ARNT2: variants seen among roughly 807,000 people sequenced by gnomAD.
ARNT2 encodes aryl hydrocarbon receptor nuclear translocator 2, also known as ARNT protein 2.
Under a neutral mutation model 91.7 loss-of-function variants are expected in ARNT2, and 36 were observed. That is an observed-to-expected ratio of 0.39 (90% CI 0.30 to 0.52). The LOEUF (loss-of-function observed/expected upper bound fraction) is 0.52. Among genes scored for constraint, ARNT2 ranks in the 20% least tolerant of loss-of-function variants. ARNT2 has a pLI of 0.72. For missense variants in ARNT2, 775 were observed against 939.3 expected (o/e 0.83, Z 2.29); for synonymous variants, 365 against 347.1 (o/e 1.05, Z -0.57).
chr15:80,472,911 A>C (rs1896751330), intron 4 of ARNT2, among the ~76,000 whole-genome samples: 1 of 152,236 alleles, frequency 6.6e-6, no homozygotes, highest in Non-Finnish European at 1.5e-5. Flanking sequence ...CAAGGTTTGA[A>C]ATGAATCTCG....
intron 8 of ARNT2, among the ~76,000 whole-genome samples, chr15:80,518,699 A>C (rs1897482920): frequency 6.6e-6 from 1 of 152,030 alleles, no homozygotes; most frequent in Non-Finnish European, 1.5e-5. Flanking sequence ...ATTAAACCTC[A>C]TGGGCCTATG....
At chr15:80,418,804 T>C (rs1895821886) in intron 1 of ARNT2, among the ~76,000 whole-genome samples, 1 of 152,234 alleles carries the variant, frequency 6.6e-6, no homozygotes, top group African/African-American at 2.4e-5. Context: ...AATCAAGTTT[T>C]GTACAACACT....
chr15:80,486,718 A>C (rs1174606911), intron 5 of ARNT2, among the ~76,000 whole-genome samples: 1 of 152,168 alleles, frequency 6.6e-6, no homozygotes, highest in Non-Finnish European at 1.5e-5. Context: ...GAATGTGCTC[A>C]TTGTGCCCTG....
At chr15:80,446,322 G>T (rs1254913864) in intron 1 of ARNT2, among the ~76,000 whole-genome samples, 1 of 152,140 alleles carries the variant, frequency 6.6e-6, no homozygotes, top group African/African-American at 2.4e-5. Flanking sequence ...TACAATAACC[G>T]TGTGATGTAA....
At chr15:80,430,050 G>A (rs1167197645) in intron 1 of ARNT2, among the ~76,000 whole-genome samples, 1 of 152,170 alleles carries the variant, frequency 6.6e-6, no homozygotes, top group Non-Finnish European at 1.5e-5. Flanking sequence ...GGCCCCACCA[G>A]CGGTTACCAG....
At chr15:80,501,434 C>T (rs909470838) in intron 5 of ARNT2, among the ~76,000 whole-genome samples, 1 of 152,212 alleles carries the variant, frequency 6.6e-6, no homozygotes, top group African/African-American at 2.4e-5. Flanking sequence ...CAGTATTCTT[C>T]TCTGGAGAAG....
chr15:80,597,460 G>A lies in ARNT2; in HGVS notation c.*3762G>A. ...AACACCCCATACTAAGGAGCCATGAGCCACCTGGACATTCACCTTTTCTTT... is the reference window on the plus strand; with the variant it reads ...AACACCCCATACTAAGGAGCCATGAACCACCTGGACATTCACCTTTTCTTT... On this transcript the variant is annotated 3_prime_UTR_variant, in exon 19 of 19. Transcript: ENST00000303329. The A allele has an allele frequency of 3.0e-6, 1 of 335,134 alleles. No homozygotes were observed. Among genetic ancestry groups the A allele is most frequent in the Non-Finnish European group, 6.0e-6 (1 of 168,066 alleles). The allele number at this position is 335,134 out of a possible 1,614,324, so 20.8% of individuals were successfully genotyped here.
At chr15:80,490,938 G>C (rs568028060) in intron 5 of ARNT2, among the ~76,000 whole-genome samples, 1 of 152,330 alleles carries the variant, frequency 6.6e-6, no homozygotes, top group East Asian at 1.9e-4. Flanking sequence ...CTATGGGACA[G>C]GGGCAGGGGA....
chr15:80,429,500 C>G (rs528373130), intron 1 of ARNT2, among the ~76,000 whole-genome samples: 1 of 152,238 alleles, frequency 6.6e-6, no homozygotes, highest in Non-Finnish European at 1.5e-5. Context: ...ATCGCCTGCC[C>G]TGTGCATGTC....
At chr15:80,419,647 C>G (rs1419520798) in intron 1 of ARNT2, among the ~76,000 whole-genome samples, 1 of 152,180 alleles carries the variant, frequency 6.6e-6, no homozygotes, top group Non-Finnish European at 1.5e-5. Flanking sequence ...GCATGGTGCC[C>G]TGGGACACCC....
rs537342917 is a variant in ARNT2 at position 80,565,538 on chromosome 15, G to GT, written c.1316+2312dup. Among the ~76,000 whole-genome samples the GT allele has an allele frequency of 7.4e-3, 1,043 of 140,800 alleles. 8 individuals are homozygous for GT. The highest frequency in any genetic ancestry group is 0.02 in the African/African-American group (777 of 38,326). The allele number at this position is 140,800 out of a possible 152,430, so 92.4% of individuals were successfully genotyped here. A position where few individuals can be genotyped will look rare whatever the true frequency, so the allele number is the denominator to read the frequency against. ...AGCATCTGTTTTTGTTTTTGTTATT[G>GT]TTTTTTTTTTTTTACTTTTTACTAA... On this transcript the variant is annotated intron_variant, in intron 12 of 18. Transcript: ENST00000303329.
intron 8 of ARNT2, among the ~76,000 whole-genome samples, chr15:80,544,624 T>G (rs1897962365): frequency 2.0e-5 from 3 of 152,214 alleles, no homozygotes; most frequent in Non-Finnish European, 2.9e-5. Flanking sequence ...CCTTGCTTCC[T>G]GAATGCACTT....
intron 1 of ARNT2, among the ~76,000 whole-genome samples, chr15:80,450,422 A>G (rs1344608848): frequency 6.6e-6 from 1 of 152,102 alleles, no homozygotes; most frequent in Non-Finnish European, 1.5e-5. Context: ...CTGCTTGAAC[A>G]CGAACCTAGG....
At chr15:80,473,848 C>G (rs1239584944) in intron 4 of ARNT2, among the ~76,000 whole-genome samples, 1 of 152,204 alleles carries the variant, frequency 6.6e-6, no homozygotes, top group Non-Finnish European at 1.5e-5. Flanking sequence ...CACCTTTTGC[C>G]TTCACTCTGC....
intron 8 of ARNT2, among the ~76,000 whole-genome samples, chr15:80,544,614 C>T (rs1477055079): frequency 7.2e-5 from 11 of 152,186 alleles, no homozygotes; most frequent in Non-Finnish European, 1.5e-5. Flanking sequence ...ATAACTCACA[C>T]CTTGCTTCCT....
chr15:80,484,281 GA>G (rs963418328), intron 5 of ARNT2, among the ~76,000 whole-genome samples: 54 of 152,138 alleles, frequency 3.5e-4, no homozygotes, highest in African/African-American at 1.3e-3. Flanking sequence ...TTTATGGCAA[GA>G]AAAGCATGTT....
At chr15:80,499,311 A>G (rs1027005118) in intron 5 of ARNT2, among the ~76,000 whole-genome samples, 4 of 152,138 alleles carry the variant, frequency 2.6e-5, no homozygotes, top group Admixed American at 1.3e-4. Flanking sequence ...GGCTGTGTAG[A>G]TAAAATACTG....
intron 5 of ARNT2, among the ~76,000 whole-genome samples, chr15:80,507,796 C>T (rs1263919772): frequency 6.6e-6 from 1 of 152,132 alleles, no homozygotes; most frequent in Non-Finnish European, 1.5e-5. Flanking sequence ...TTGGATCAAA[C>T]AAAGGAAAAA....
chr15:80,549,092 A>G (rs1407741631), intron 8 of ARNT2, among the ~76,000 whole-genome samples: 1 of 152,182 alleles, frequency 6.6e-6, no homozygotes, highest in Non-Finnish European at 1.5e-5. Flanking sequence ...AGACCCAAAC[A>G]TGTATGGAAA....
Sources: gnomAD v4.1 joint callset for allele counts (sites outside exome capture counted in the v4.1 genomes callset) on GRCh38, gnomAD v4.1.1 for gene constraint, MANE v1.5 for transcripts, NCBI Gene and HGNC (gene_info 2026-07-23, HGNC 2026-07-21) for gene names.